The following SLC39A9 variants were observed in gnomAD, a reference collection of about 807,000 sequenced individuals.
The protein encoded by SLC39A9 is zinc transporter ZIP9.
SLC39A9 carries 14 observed loss-of-function variants against 28.4 expected under a neutral mutation model. The ratio of observed to expected loss-of-function variants is 0.49; its 90% CI spans 0.33 to 0.77. The LOEUF (loss-of-function observed/expected upper bound fraction) is 0.77. SLC39A9 is among the 30% of genes least tolerant of loss of function. The probability of loss-of-function intolerance (pLI) is 0.02; values close to 1 mark genes in which losing one functional copy is unlikely to be tolerated. For synonymous variants in SLC39A9, 119 were observed against 149.6 expected (o/e 0.80, Z 1.49); for missense variants, 283 against 381.1 (o/e 0.74, Z 2.14).
intron 1 of SLC39A9, among the ~76,000 whole-genome samples, chr14:69,417,828 A>G (rs548947406): frequency 1.3e-5 from 2 of 152,306 alleles, no homozygotes; most frequent in African/African-American, 4.8e-5. Flanking sequence ...TTGTATCCTG[A>G]GACTTTGCTG....
intron 2 of SLC39A9, among the ~76,000 whole-genome samples, chr14:69,427,443 A>G (rs1392365884): frequency 2.0e-5 from 3 of 152,170 alleles, no homozygotes; most frequent in South Asian, 4.1e-4. Flanking sequence ...TTTAAAAAAT[A>G]TTTTCATTTA....
rs150425244 is a variant in SLC39A9 at position 69,442,160 on chromosome 14, C to T, written c.297C>T (p.His99=). Residue 99 remains histidine, a synonymous_variant, in exon 3 of 7, where the codon CAC becomes CAT. Coordinates refer to ENST00000336643, the MANE Select transcript of SLC39A9 (RefSeq NM_018375.5). The part of the protein sequence containing the change: ...KSVVHEHEHS[H]DHTQLHAYIG... Reference sequence around the variant, plus strand: ...TTGTCCATGAACATGAGCACAGCCACGACCACACACAGCTGCATGCCTATA... The same window carrying T: ...TTGTCCATGAACATGAGCACAGCCATGACCACACACAGCTGCATGCCTATA... The T allele has an allele frequency of 3.0e-5, 49 of 1,614,074 alleles. No homozygotes were observed. The highest frequency in any genetic ancestry group is 5.0e-5 in the Admixed American group (3 of 60,004).
intron 3 of SLC39A9, among the ~76,000 whole-genome samples, chr14:69,443,289 C>T (rs1390382517): frequency 6.6e-6 from 1 of 152,122 alleles, no homozygotes; most frequent in Non-Finnish European, 1.5e-5. Context: ...TATCTTGGTC[C>T]CCAATGGGAG....
chr14:69,459,659 C>T lies in SLC39A9; in HGVS notation c.*1066C>T. 2 of 984,904 alleles carry T rather than the reference C, an allele frequency of 2.0e-6. No individual in the cohort carries two copies. The highest frequency in any genetic ancestry group is 4.7e-5 in the South Asian group (1 of 21,264). The allele number at this position is 984,904 out of a possible 1,614,324, so 61.0% of individuals were successfully genotyped here. ...ACACTGTGTCTTCTCACATAACCAC[C>T]TGTAGCAAGATGGATCATAAATGAG... On this transcript the variant is annotated 3_prime_UTR_variant, in exon 7 of 7. Transcript: ENST00000336643.
chr14:69,458,272 A>AAGAAC, intron 6 of SLC39A9, 91 bp from the exon 7 acceptor site: 1 of 1,519,000 alleles, frequency 6.6e-7, no homozygotes, highest in Non-Finnish European at 8.9e-7. Context: ...AGCACCAGTT[A>AAGAAC]AGAACAGTGA....
At chr14:69,431,631 C>T (rs34840252) in intron 2 of SLC39A9, among the ~76,000 whole-genome samples, 68,285 of 151,014 alleles carry the variant, frequency 0.45, 15,594 homozygotes, top group Middle Eastern at 0.59. Flanking sequence ...GTCTATTTCA[C>T]GATGCTGAGG....
intron 6 of SLC39A9, among the ~76,000 whole-genome samples, chr14:69,457,557 G>T (rs1218286771): frequency 6.6e-6 from 1 of 151,836 alleles, no homozygotes; most frequent in African/African-American, 2.4e-5. Flanking sequence ...GATTACCACT[G>T]TATCTCAAGC....
intron 3 of SLC39A9, among the ~76,000 whole-genome samples, chr14:69,452,640 T>G (rs1885664474): frequency 1.3e-5 from 2 of 152,030 alleles, no homozygotes; most frequent in Non-Finnish European, 2.9e-5. Flanking sequence ...AAGGGTGGTG[T>G]TTTCAAACGA....
In SLC39A9 at chr14:69,460,019, G is replaced by A; in HGVS notation, c.*1426G>A. On this transcript the variant is annotated 3_prime_UTR_variant, in exon 7 of 7. Transcript: ENST00000336643. The stretch of plus-strand genomic sequence containing the variant: ...AATTTAAACAATTGAGATAGCAAAA[G>A]TGTTTAACAGACTAGGATAATTTTT... 2.0e-6 allele frequency: 2 copies of A among 984,974 alleles called. No individual in the cohort carries two copies. The highest frequency in any genetic ancestry group is 2.4e-6 in the Non-Finnish European group (2 of 829,182). The allele number at this position is 984,974 out of a possible 1,614,324, so 61.0% of individuals were successfully genotyped here.
At position 69,445,786 on chromosome 14, in the gene SLC39A9, G is replaced by A. The variant is rs570832381; in HGVS notation, c.403+3520G>A. Among the ~76,000 whole-genome samples the A allele has an allele frequency of 3.0e-4, 45 of 152,232 alleles. No individual in the cohort carries two copies. In the Middle Eastern group the frequency reaches 0.014, roughly 46 times the overall value. On this transcript the variant is annotated intron_variant, in intron 3 of 6. Coordinates refer to ENST00000336643, the MANE Select transcript of SLC39A9 (RefSeq NM_018375.5). Reference sequence around the variant, plus strand: ...ATATTCCCCTGAGCATGCCTTTTTGGTATAATTCTGACTTTTGGAAACATG... The same window carrying A: ...ATATTCCCCTGAGCATGCCTTTTTGATATAATTCTGACTTTTGGAAACATG...
In SLC39A9 at chr14:69,460,005, T is replaced by C. The variant is rs1886046749; in HGVS notation, c.*1412T>C. The C allele has an allele frequency of 4.1e-6, 4 of 985,276 alleles. No homozygotes were observed. The highest frequency in any genetic ancestry group is 4.8e-6 in the Non-Finnish European group (4 of 829,412). 61.0% of individuals were successfully genotyped at this position (985,276 alleles called of 1,614,324 possible). On this transcript the variant is annotated 3_prime_UTR_variant, in exon 7 of 7. Coordinates refer to ENST00000336643, the MANE Select transcript of SLC39A9 (RefSeq NM_018375.5). ...ATCACTAATCTGGTAATTTAAACAA[T>C]TGAGATAGCAAAAGTGTTTAACAGA... is the stretch of plus-strand genomic sequence containing the variant.
rs1886000064 is a variant in SLC39A9 at position 69,459,080 on chromosome 14, G to C, written c.*487G>C. The C allele has an allele frequency of 1.0e-6, 1 of 987,234 alleles. No homozygotes were observed. The allele number at this position is 987,234 out of a possible 1,614,324, so 61.2% of individuals were successfully genotyped here. On this transcript the variant is annotated 3_prime_UTR_variant, in exon 7 of 7. Coordinates refer to ENST00000336643, the MANE Select transcript of SLC39A9 (RefSeq NM_018375.5). ...TCTATGCCACATGCGTTGATGGAAGGTCATAGCACCCACTCACTTAGATGC... is the reference window on the plus strand; with the variant it reads ...TCTATGCCACATGCGTTGATGGAAGCTCATAGCACCCACTCACTTAGATGC...
chr14:69,447,523 ACT>A (rs1413834994), intron 3 of SLC39A9, among the ~76,000 whole-genome samples: 1 of 152,146 alleles, frequency 6.6e-6, no homozygotes, highest in Non-Finnish European at 1.5e-5. Flanking sequence ...ACGAAGAGAA[ACT>A]CAGCCCCAAA....
chr14:69,459,602 C>T lies in SLC39A9; in HGVS notation c.*1009C>T. The T allele has an allele frequency of 1.0e-6, 1 of 971,768 alleles. No homozygotes were observed. The highest frequency in any genetic ancestry group is 1.2e-6 in the Non-Finnish European group (1 of 820,704). 60.2% of individuals were successfully genotyped at this position (971,768 alleles called of 1,614,324 possible). A position where few individuals can be genotyped will look rare whatever the true frequency, so the allele number is the denominator to read the frequency against. ...TTCTCTTAGCAGATCAGCAATCCCT[C>T]TAGGGACCTAAATACTAGGTCAGCT... On this transcript the variant is annotated 3_prime_UTR_variant, in exon 7 of 7. Coordinates refer to ENST00000336643, the MANE Select transcript of SLC39A9 (RefSeq NM_018375.5).
At chr14:69,427,614 C>G (rs1457452899) in intron 2 of SLC39A9, among the ~76,000 whole-genome samples, 1 of 152,174 alleles carries the variant, frequency 6.6e-6, no homozygotes, top group Non-Finnish European at 1.5e-5. Context: ...CTCTCAACCC[C>G]TGGCAACCAC....
intron 4 of SLC39A9, among the ~76,000 whole-genome samples, chr14:69,454,493 A>T (rs1186930959): frequency 6.6e-6 from 1 of 152,238 alleles, no homozygotes; most frequent in Non-Finnish European, 1.5e-5. Context: ...TTGATTAACT[A>T]ATCAATGGAT....
intron 3 of SLC39A9, among the ~76,000 whole-genome samples, chr14:69,445,370 C>T (rs1230221915): frequency 2.6e-5 from 4 of 152,192 alleles, no homozygotes; most frequent in Non-Finnish European, 4.4e-5. Flanking sequence ...TGATGATCCA[C>T]TTCCACTTAA....
intron 1 of SLC39A9, among the ~76,000 whole-genome samples, chr14:69,400,655 A>G (rs1372302968): frequency 1.3e-5 from 2 of 152,226 alleles, no homozygotes; most frequent in Non-Finnish European, 2.9e-5. Flanking sequence ...AACCTGAGGA[A>G]GAGGAGACAT....
chr14:69,423,971 G>T, intron 1 of SLC39A9, 123 bp from the exon 2 acceptor site: 3 of 587,166 alleles, frequency 5.1e-6, no homozygotes, highest in South Asian at 2.2e-5. Flanking sequence ...TTTCATCTTC[G>T]CTGTCTATTG....
Sources: gnomAD v4.1 joint callset for allele counts (sites outside exome capture counted in the v4.1 genomes callset) on GRCh38, gnomAD v4.1.1 for gene constraint, MANE v1.5 for transcripts, NCBI Gene and HGNC (gene_info 2026-07-23, HGNC 2026-07-21) for gene names.